Variants in KHDRBS2 observed in about 807,000 individuals in gnomAD.
KHDRBS2 encodes the protein KH RNA binding domain containing, signal transduction associated 2.
In KHDRBS2, 26 loss-of-function variants were observed where a neutral mutation model predicts 44.3. The ratio of observed to expected loss-of-function variants is 0.59; its 90% CI spans 0.43 to 0.81. The LOEUF (loss-of-function observed/expected upper bound fraction) is 0.81, where lower values mean the gene tolerates loss of function less well. KHDRBS2 is among the 40% of genes least tolerant of loss of function. KHDRBS2 has a pLI of 0.00. For missense variants in KHDRBS2, 476 were observed against 433.1 expected, an observed-to-expected ratio of 1.10 and a Z score of -0.88; for synonymous variants, 194 against 151.1, an observed-to-expected ratio of 1.28 and a Z score of -2.08.
chr6:61,575,495 T>TA, the KHDRBS2 span, among the ~76,000 whole-genome samples: 1 of 152,198 alleles, frequency 6.6e-6, no homozygotes, highest in East Asian at 1.9e-4. Flanking sequence ...CAAACACTTT[T>TA]ACACTGCTGG....
the KHDRBS2 span, among the ~76,000 whole-genome samples, chr6:61,616,309 A>T: frequency 6.6e-6 from 1 of 152,102 alleles, no homozygotes; most frequent in Non-Finnish European, 1.5e-5. Flanking sequence ...TTACACTGTA[A>T]TGTTAGTGCA....
chr6:61,658,667 A>G, the KHDRBS2 span, among the ~76,000 whole-genome samples: 163 of 152,072 alleles, frequency 1.1e-3, 2 homozygotes, highest in South Asian at 5.4e-3. Context: ...TAGTTTTAAA[A>G]CACACCATGC....
intron 6 of KHDRBS2, among the ~76,000 whole-genome samples, chr6:61,817,636 C>T (rs1789193698): frequency 6.6e-6 from 1 of 151,980 alleles, no homozygotes; most frequent in Non-Finnish European, 1.5e-5. Context: ...TTTTTATGAA[C>T]CATTATGGCT....
At chr6:62,116,546 T>C (rs1348716518) in intron 2 of KHDRBS2, among the ~76,000 whole-genome samples, 2 of 152,212 alleles carry the variant, frequency 1.3e-5, no homozygotes, top group Non-Finnish European at 2.9e-5. Context: ...ATATAATGTG[T>C]AATGATCAAT....
At chr6:61,842,980 CATTTT>C (rs1197244494) in intron 6 of KHDRBS2, among the ~76,000 whole-genome samples, 2 of 134,486 alleles carry the variant, frequency 1.5e-5, no homozygotes, top group African/African-American at 5.0e-5. Flanking sequence ...AGATATACCA[CATTTT>C]ATATTGTTCA....
At chr6:61,659,674 T>C in the KHDRBS2 span, among the ~76,000 whole-genome samples, 13 of 151,728 alleles carry the variant, frequency 8.6e-5, no homozygotes, top group Admixed American at 2.0e-4. Flanking sequence ...TATAAAAATA[T>C]AGTTACAACA....
intron 1 of KHDRBS2, among the ~76,000 whole-genome samples, chr6:62,278,898 T>C (rs1170922441): frequency 6.6e-6 from 1 of 151,940 alleles, no homozygotes; most frequent in Non-Finnish European, 1.5e-5. Context: ...ATTGAGACCA[T>C]CCTGGTTAAC....
the KHDRBS2 span, among the ~76,000 whole-genome samples, chr6:61,604,422 C>A: frequency 6.6e-6 from 1 of 152,194 alleles, no homozygotes; most frequent in Non-Finnish European, 1.5e-5. Flanking sequence ...TACTCCACCA[C>A]TGAAACTTCC....
chr6:62,112,261 T>C (rs1218640979), intron 2 of KHDRBS2, among the ~76,000 whole-genome samples: 1 of 152,158 alleles, frequency 6.6e-6, no homozygotes, highest in African/African-American at 2.4e-5. Context: ...GCAAAATTTC[T>C]TTTATGAGAT....
the KHDRBS2 span, among the ~76,000 whole-genome samples, chr6:61,569,553 G>T: frequency 1.3e-5 from 2 of 152,106 alleles, no homozygotes; most frequent in African/African-American, 4.8e-5. Context: ...TAATTCCACT[G>T]CCTGCAACAT....
intron 2 of KHDRBS2, among the ~76,000 whole-genome samples, chr6:62,168,932 G>A (rs1458319947): frequency 2.0e-5 from 3 of 150,258 alleles, no homozygotes; most frequent in African/African-American, 7.3e-5. Flanking sequence ...TGCACTATAG[G>A]TGGAGATGTT....
chr6:62,088,608 C>T (rs1290185554), intron 2 of KHDRBS2, among the ~76,000 whole-genome samples: 1 of 152,116 alleles, frequency 6.6e-6, no homozygotes, highest in Non-Finnish European at 1.5e-5. Flanking sequence ...CAGATGCCAG[C>T]CAGAGCTCTC....
intron 2 of KHDRBS2, among the ~76,000 whole-genome samples, chr6:62,148,420 G>A (rs1814392093): frequency 6.6e-6 from 1 of 151,910 alleles, no homozygotes; most frequent in African/African-American, 2.4e-5. Flanking sequence ...AAGGACAATT[G>A]AATGAACAGA....
At chr6:61,901,169 G>T in intron 5 of KHDRBS2, 75 bp downstream of exon 5, 1 of 1,412,852 alleles carries the variant, frequency 7.1e-7, no homozygotes. Flanking sequence ...TACTGCTAGT[G>T]ATAATCATGA....
chr6:61,612,028 G>A, the KHDRBS2 span, among the ~76,000 whole-genome samples: 70 of 152,116 alleles, frequency 4.6e-4, no homozygotes, highest in African/African-American at 1.5e-3. Flanking sequence ...GTATACATGT[G>A]CATATATAAA....
At chr6:61,678,704 A>C (rs1336355), downstream of KHDRBS2, among the ~76,000 whole-genome samples, 4,444 of 152,032 alleles carry the variant, frequency 0.029, 235 homozygotes, top group African/African-American at 0.1. Context: ...GTAAATACTA[A>C]ATCATGCCAC....
chr6:62,068,649 A>G lies in KHDRBS2; in HGVS notation c.220-20655T>C, dbSNP rs1169364844. Among the ~76,000 whole-genome samples, 4 of 151,732 alleles carry G rather than the reference A, an allele frequency of 2.6e-5. No homozygotes were observed. The East Asian group carries it at 7.8e-4, about 30-fold the overall frequency. ...TTTAACTCATATATTAAGATCTATG[A>G]TCCATTTTGAGTTAGTTTTGGTGCA... On this transcript the variant is annotated intron_variant, in intron 2 of 8. Transcript: ENST00000281156.
At chr6:62,112,966 C>T (rs181163739) in intron 2 of KHDRBS2, among the ~76,000 whole-genome samples, 3 of 152,246 alleles carry the variant, frequency 2.0e-5, no homozygotes, top group African/African-American at 7.2e-5. Flanking sequence ...TCCATCTTCT[C>T]ACCCACATAC....
At chr6:62,214,458 T>C (rs1427297720) in intron 1 of KHDRBS2, among the ~76,000 whole-genome samples, 1 of 147,252 alleles carries the variant, frequency 6.8e-6, no homozygotes, top group Non-Finnish European at 1.5e-5. Context: ...TATACACCCA[T>C]TTAAAAGTTG....
Sources: allele counts gnomAD v4.1 joint callset (sites outside exome capture counted in the v4.1 genomes callset), GRCh38; gene constraint gnomAD v4.1.1; transcripts MANE v1.5; gene names NCBI Gene and HGNC (gene_info 2026-07-23, HGNC 2026-07-21).